ATRX: variants seen among roughly 807,000 people sequenced by gnomAD.
ATRX encodes the protein chromatin remodeler ATRX.
ATRX carries 12 observed loss-of-function variants against 172.6 expected under a neutral mutation model. That is an observed-to-expected ratio of 0.07 (90% CI 0.04 to 0.11). The LOEUF (loss-of-function observed/expected upper bound fraction) is 0.11, where lower values mean the gene tolerates loss of function less well. Ranked by LOEUF, ATRX falls within the 10% of genes least tolerant of loss-of-function variation. ATRX has a pLI of 1.00. For synonymous variants in ATRX, 674 were observed against 594.7 expected (o/e 1.13, Z -1.94); for missense variants, 1,368 against 1,767.4 (o/e 0.77, Z 4.05).
intron 1 of ATRX, among the ~76,000 whole-genome samples, chrX:77,735,639 A>AAAT (rs2074519529): frequency 1.1e-4 from 7 of 63,157 alleles, no homozygotes; most frequent in Admixed American, 3.9e-4. Context: ...AATAAATAAA[A>AAAT]ATAAATACAA....
chrX:77,726,327 C>G (rs2074033781), intron 1 of ATRX, among the ~76,000 whole-genome samples: 1 of 109,963 alleles, frequency 9.1e-6, no homozygotes, highest in Admixed American at 9.7e-5. Context: ...TATATAGGGA[C>G]ATGGATGAAG....
At chrX:77,672,382 T>C (rs1399526909) in intron 10 of ATRX, among the ~76,000 whole-genome samples, 1 of 111,278 alleles carries the variant, frequency 9.0e-6, no homozygotes, top group African/African-American at 3.3e-5. Flanking sequence ...ATGCCATTAA[T>C]TGTGCTGAAA....
chrX:77,734,471 A>G (rs1569543797), intron 1 of ATRX, among the ~76,000 whole-genome samples: 1 of 111,713 alleles, frequency 9.0e-6, no homozygotes, highest in Non-Finnish European at 1.9e-5. Flanking sequence ...GGAAAACTGG[A>G]TATCCATATA....
At chrX:77,638,571 C>T (rs1441120730) in intron 15 of ATRX, among the ~76,000 whole-genome samples, 1 of 112,636 alleles carries the variant, frequency 8.9e-6, no homozygotes, top group Admixed American at 9.4e-5. Flanking sequence ...CATTTTGAAG[C>T]GAACACAAGA....
At chrX:77,690,757 T>C (rs182325316) in intron 6 of ATRX, 13 of 112,333 alleles carry the variant, frequency 1.2e-4, no homozygotes, top group Non-Finnish European at 2.3e-4. Flanking sequence ...ACAAGATAAA[T>C]AAAATGTAGA....
chrX:77,605,288 C>T (rs1239648235), intron 22 of ATRX, among the ~76,000 whole-genome samples: 1 of 110,739 alleles, frequency 9.0e-6, no homozygotes, highest in Non-Finnish European at 1.9e-5. Flanking sequence ...ATTAGCCAAG[C>T]ATGGTGGTGG....
At chrX:77,523,449 C>G (rs782286989) in intron 30 of ATRX, 48 bp from the exon 31 acceptor site, 6 of 1,136,876 alleles carry the variant, frequency 5.3e-6, no homozygotes, top group Non-Finnish European at 7.2e-6. Flanking sequence ...CCCCTCTGGA[C>G]AGTATAATAT....
intron 22 of ATRX, among the ~76,000 whole-genome samples, chrX:77,603,905 G>T (rs2066787466): frequency 8.9e-6 from 1 of 111,830 alleles, no homozygotes; most frequent in Admixed American, 9.5e-5. Context: ...TCAATAAATG[G>T]TTCTAAGAAA....
intron 30 of ATRX, among the ~76,000 whole-genome samples, chrX:77,556,762 C>T (rs2064825144): frequency 8.9e-6 from 1 of 112,262 alleles, no homozygotes; most frequent in African/African-American, 3.2e-5. Context: ...CCCAGGTCCT[C>T]TGCTTTGCTT....
chrX:77,553,038 C>T (rs1465932092), intron 30 of ATRX, among the ~76,000 whole-genome samples: 2 of 111,363 alleles, frequency 1.8e-5, no homozygotes, highest in African/African-American at 6.5e-5. Flanking sequence ...TGCAATTGTA[C>T]TATAATAACA....
In ATRX at chrX:77,671,220, CCCCAAAATGGTGGAATT is replaced by C. The variant is rs1316573533; in HGVS notation, c.3809+4989_3809+5005del. Among the ~76,000 whole-genome samples, 3 of 83,145 alleles carry C rather than the reference CCCCAAAATGGTGGAATT, an allele frequency of 3.6e-5. No homozygotes were observed. The Admixed American group carries it at 4.6e-4, about 13-fold the overall frequency. The allele number at this position is 83,145 out of a possible 115,157, so 72.2% of individuals were successfully genotyped here. A position where few individuals can be genotyped will look rare whatever the true frequency, so the allele number is the denominator to read the frequency against. On this transcript the variant is annotated intron_variant, in intron 10 of 34. Coordinates refer to ENST00000373344, the MANE Select transcript of ATRX (RefSeq NM_000489.6). Reference sequence around the variant, plus strand: ...TAAAACTAAGGCATAATGATCTGTACCCCAAAATGGTGGAATTCACGAGATAATAATGAAGTCACCAA... The same window carrying C: ...TAAAACTAAGGCATAATGATCTGTACCACGAGATAATAATGAAGTCACCAA...
chrX:77,696,507 C>T, intron 5 of ATRX, 70 bp downstream of exon 5: 1 of 1,108,506 alleles, frequency 9.0e-7, no homozygotes, highest in Non-Finnish European at 1.2e-6. Context: ...TAATCAAGTT[C>T]CAATTTTATA....
rs2148439454 is a variant in ATRX, at chrX:77,652,299, C to T, written c.4372G>A (p.Glu1458Lys). Reference protein sequence around the residue: ...EKEEEEEEEEEEEEEEEDEND... With the variant: ...EKEEEEEEEEKEEEEEEDEND... ...TCATCTTCCTCCTCCTCTTCCTCCT[C>T]CTCCTCCTCTTCCTCCTCCTCTTCT... Residue 1458 changes from glutamate (E) to lysine (K), a missense_variant, in exon 15 of 35, where the codon GAG (glutamate) becomes AAG (lysine). Glu to Lys is a moderately conservative substitution (Grantham distance 56). Coordinates refer to ENST00000373344, the MANE Select transcript of ATRX (RefSeq NM_000489.6). The T allele has an allele frequency of 8.3e-7, 1 of 1,208,510 alleles. No homozygotes were observed. The highest frequency in any genetic ancestry group is 1.8e-5 in the South Asian group (1 of 56,937).
chrX:77,742,258 A>G (rs781836058), intron 1 of ATRX, among the ~76,000 whole-genome samples: 7 of 112,149 alleles, frequency 6.2e-5, no homozygotes, highest in African/African-American at 2.3e-4. Flanking sequence ...CTCCTAATCA[A>G]GACAGGTAGA....
chrX:77,550,251 C>G (rs989828144), intron 30 of ATRX, among the ~76,000 whole-genome samples: 1 of 111,589 alleles, frequency 9.0e-6, no homozygotes, highest in African/African-American at 3.3e-5. Context: ...GATAAAAGTG[C>G]CAAGCAATTA....
intron 25 of ATRX, among the ~76,000 whole-genome samples, chrX:77,598,443 T>C (rs2066548673): frequency 9.0e-6 from 1 of 111,581 alleles, no homozygotes; most frequent in Non-Finnish European, 1.9e-5. Context: ...AAAGTTGAAA[T>C]TATAAAAATA....
At chrX:77,581,072 A>G (rs2065809967) in intron 27 of ATRX, among the ~76,000 whole-genome samples, 1 of 111,818 alleles carries the variant, frequency 8.9e-6, no homozygotes, top group African/African-American at 3.2e-5. Context: ...TAATGGATAA[A>G]CAAACAAACA....
chrX:77,750,165 T>C (rs2075243631), intron 1 of ATRX, among the ~76,000 whole-genome samples: 1 of 111,935 alleles, frequency 8.9e-6, no homozygotes, highest in Non-Finnish European at 1.9e-5. Flanking sequence ...TTATTATAGT[T>C]ATTGTCAGTC....
intron 21 of ATRX, 131 bp downstream of exon 21, chrX:77,618,675 T>C: frequency 1.6e-6 from 1 of 642,050 alleles, no homozygotes; most frequent in Non-Finnish European, 2.4e-6. Context: ...CAAGGAGATA[T>C]AACTGTAAAA....
Sources: allele counts gnomAD v4.1 joint callset (sites outside exome capture counted in the v4.1 genomes callset), GRCh38; gene constraint gnomAD v4.1.1; transcripts MANE v1.5; gene names NCBI Gene and HGNC (gene_info 2026-07-23, HGNC 2026-07-21).